The following ADAMTSL1 variants were observed in gnomAD, a reference collection of about 807,000 sequenced individuals.
ADAMTSL1 encodes ADAMTS like 1.
Under a neutral mutation model 201.8 loss-of-function variants are expected in ADAMTSL1, and 126 were observed. The observed-to-expected ratio is 0.62, with a 90% CI of 0.54 to 0.72. The LOEUF (loss-of-function observed/expected upper bound fraction) is 0.72, where lower values mean the gene tolerates loss of function less well. ADAMTSL1 is among the 30% of genes least tolerant of loss of function. The pLI is 0.00. For synonymous variants in ADAMTSL1, 1,121 were observed against 903.4 expected (o/e 1.24, Z -4.32); for missense variants, 2,679 against 2,277.8 (o/e 1.18, Z -3.59).
At chr9:18,619,995 A>G (rs980183878) in intron 4 of ADAMTSL1, among the ~76,000 whole-genome samples, 1 of 150,000 alleles carries the variant, frequency 6.7e-6, no homozygotes, top group African/African-American at 2.4e-5. Flanking sequence ...CTCCAAGGCA[A>G]TTAGGTTATC....
chr9:18,373,620 A>G (rs948108053), intron 2 of ADAMTSL1, among the ~76,000 whole-genome samples: 15 of 147,634 alleles, frequency 1.0e-4, no homozygotes, highest in African/African-American at 3.2e-4. Flanking sequence ...TCTAAACCCA[A>G]CGGAGATTTT....
At chr9:18,679,277 TTA>T (rs1385448665) in intron 10 of ADAMTSL1, among the ~76,000 whole-genome samples, 2 of 152,202 alleles carry the variant, frequency 1.3e-5, no homozygotes, top group Non-Finnish European at 2.9e-5. Context: ...CTCATTAAAA[TTA>T]TATCTCTCAT....
At chr9:18,864,284 G>C (rs1443461896) in intron 23 of ADAMTSL1, among the ~76,000 whole-genome samples, 2 of 152,128 alleles carry the variant, frequency 1.3e-5, no homozygotes, top group African/African-American at 4.8e-5. Flanking sequence ...GGCTGGAGAG[G>C]GGGAAGAGGA....
chr9:18,057,243 C>A (rs1297727681), intron 1 of ADAMTSL1, among the ~76,000 whole-genome samples: 1 of 152,142 alleles, frequency 6.6e-6, no homozygotes, highest in African/African-American at 2.4e-5. Context: ...GTGTGTGGAA[C>A]TGATGTGCAA....
intron 1 of ADAMTSL1, among the ~76,000 whole-genome samples, chr9:18,031,379 T>C (rs186705401): frequency 9.2e-5 from 14 of 152,190 alleles, no homozygotes; most frequent in East Asian, 7.7e-4. Flanking sequence ...GTATAGTTGA[T>C]TGGCTTTTTT....
intron 4 of ADAMTSL1, among the ~76,000 whole-genome samples, chr9:18,579,764 G>A (rs1009649776): frequency 7.2e-5 from 11 of 152,274 alleles, no homozygotes; most frequent in African/African-American, 2.6e-4. Flanking sequence ...GCAGTGAATT[G>A]CATCCTGTAC....
intron 2 of ADAMTSL1, among the ~76,000 whole-genome samples, chr9:18,310,439 A>G (rs962146741): frequency 3.5e-4 from 52 of 150,710 alleles, no homozygotes; most frequent in African/African-American, 1.2e-3. Flanking sequence ...GAACGGGAGA[A>G]AAATTTTGCA....
intron 2 of ADAMTSL1, among the ~76,000 whole-genome samples, chr9:18,362,488 G>C (rs17791761): frequency 0.082 from 12,411 of 152,282 alleles, 699 homozygotes; most frequent in Middle Eastern, 0.14. Context: ...ATTATTTGGA[G>C]AGAAGTATAT....
chr9:18,340,557 T>C (rs1835426916), intron 2 of ADAMTSL1, among the ~76,000 whole-genome samples: 3 of 152,162 alleles, frequency 2.0e-5, no homozygotes, highest in South Asian at 4.1e-4. Context: ...ATATGTTTTG[T>C]CTCTGTCTCC....
intron 1 of ADAMTSL1, among the ~76,000 whole-genome samples, chr9:18,066,026 C>CCA (rs1474097876): frequency 6.7e-6 from 1 of 148,760 alleles, no homozygotes; most frequent in African/African-American, 2.5e-5. Flanking sequence ...AATGGCACCA[C>CCA]CACAATGACC....
At chr9:17,976,389 T>C (rs1818450058) in intron 1 of ADAMTSL1, among the ~76,000 whole-genome samples, 1 of 152,092 alleles carries the variant, frequency 6.6e-6, no homozygotes, top group Admixed American at 6.6e-5. Flanking sequence ...TTATGTCTTC[T>C]TCAGTTTTTT....
intron 1 of ADAMTSL1, among the ~76,000 whole-genome samples, chr9:17,996,343 C>G (rs1440199774): frequency 6.6e-6 from 1 of 151,954 alleles, no homozygotes; most frequent in Admixed American, 6.6e-5. Context: ...GGCACACAAA[C>G]CTGGATGTTA....
chr9:18,317,143 G>A lies in ADAMTSL1; in HGVS notation c.207+153162G>A, dbSNP rs4410998. ...AACTAAATATAGAAAGGCAAATACC[G>A]TATGATCTTACTTATATGTGGTGTG... On this transcript the variant is annotated intron_variant, in intron 2 of 29. Coordinates refer to the ADAMTSL1 transcript ENST00000680146. Among the ~76,000 whole-genome samples, 159 of 152,188 alleles carry A rather than the reference G, an allele frequency of 1.0e-3. 1 individual carries two copies. The East Asian group carries it at 0.021, about 20-fold the overall frequency.
At chr9:18,292,018 C>T (rs946097609) in intron 2 of ADAMTSL1, among the ~76,000 whole-genome samples, 5 of 152,006 alleles carry the variant, frequency 3.3e-5, no homozygotes, top group Non-Finnish European at 7.4e-5. Flanking sequence ...GAAACCAGAG[C>T]AAGTGGAGAA....
chr9:18,576,569 G>C (rs1822742916), intron 4 of ADAMTSL1, among the ~76,000 whole-genome samples: 1 of 152,148 alleles, frequency 6.6e-6, no homozygotes, highest in Non-Finnish European at 1.5e-5. Context: ...GGACTTTTTA[G>C]AGCCAGAAGA....
intron 1 of ADAMTSL1, among the ~76,000 whole-genome samples, chr9:18,499,818 T>C (rs1303327448): frequency 6.6e-6 from 1 of 152,230 alleles, no homozygotes; most frequent in Non-Finnish European, 1.5e-5. Context: ...TCTCTTATAC[T>C]ATAACTTCAG....
chr9:18,513,125 C>T (rs568790044), intron 2 of ADAMTSL1, among the ~76,000 whole-genome samples: 35 of 152,196 alleles, frequency 2.3e-4, no homozygotes, highest in Admixed American at 2.3e-3. Flanking sequence ...ATTTCCCTTC[C>T]TCTTTTTATT....
In ADAMTSL1 at chr9:18,777,566, C is replaced by G. The variant is rs1204384370; in HGVS notation, c.3337C>G (p.Leu1113Val). The G allele has an allele frequency of 1.2e-6, 2 of 1,608,798 alleles. No homozygotes were observed. The highest frequency in any genetic ancestry group is 2.2e-5 in the South Asian group (2 of 89,916). The change falls in exon 19 of 29, where the codon CTG becomes GTG. Residue 1113 changes from leucine (L) to valine (V), a missense_variant. Coordinates refer to ENST00000380548, the MANE Select transcript of ADAMTSL1 (RefSeq NM_001040272.6). ...GGCCCAGGAGATCTTCCGCAGCCAC[C>G]TGGAGCACCAGGACACGCTCCTGAA... ...QLAQEIFRSH[L>V]EHQDTLLKPS... is the part of the protein sequence containing the mutation.
Position 18,002,219 on chromosome 9 carries a change from G to C in ADAMTSL1, c.87+95297G>C, listed in dbSNP as rs561120486. ...AGGTGTTAATCTATAGGAATCTGTG[G>C]GCAGAAGGAGAATGTTGAAAGATGC... On this transcript the variant is annotated intron_variant, in intron 1 of 29. Coordinates refer to the ADAMTSL1 transcript ENST00000680146. 5.9e-5 allele frequency among the ~76,000 whole-genome samples: 9 copies of C among 152,110 alleles called. No individual in the cohort carries two copies. The South Asian group carries it at 1.9e-3, about 31-fold the overall frequency.
Sources: allele counts gnomAD v4.1 joint callset (sites outside exome capture counted in the v4.1 genomes callset), GRCh38; gene constraint gnomAD v4.1.1; transcripts MANE v1.5; gene names NCBI Gene and HGNC (gene_info 2026-07-23, HGNC 2026-07-21).